Variants in NR3C2 observed in about 807,000 individuals in gnomAD.
NR3C2 encodes the protein nuclear receptor subfamily 3 group C member 2.
Under a neutral mutation model 86.4 loss-of-function variants are expected in NR3C2, and 15 were observed. That is an observed-to-expected ratio of 0.17 (90% CI 0.12 to 0.27). The LOEUF is 0.27. Ranked by LOEUF, NR3C2 falls within the 10% of genes least tolerant of loss-of-function variation. NR3C2 has a pLI of 1.00. For synonymous variants in NR3C2, 458 were observed against 450.5 expected (o/e 1.02, Z -0.21); for missense variants, 960 against 1,195.6 (o/e 0.80, Z 2.91).
At chr4:148,313,411 T>C (rs141878589) in intron 2 of NR3C2, among the ~76,000 whole-genome samples, 8 of 152,356 alleles carry the variant, frequency 5.3e-5, no homozygotes, top group African/African-American at 1.7e-4. Flanking sequence ...CTTTGGTATG[T>C]TCCATAAGAG....
chr4:148,357,117 A>G lies in NR3C2; in HGVS notation c.1757+77987T>C, dbSNP rs1369494957. Among the ~76,000 whole-genome samples, 5 of 152,160 alleles carry G rather than the reference A, an allele frequency of 3.3e-5. No homozygotes were observed. The East Asian group carries it at 9.6e-4, about 29-fold the overall frequency. ...CTAAAAACCTATAATCCCATGGTAGATAATGGAAGGAATAGTGGGGTGTGT... is the reference window on the plus strand; with the variant it reads ...CTAAAAACCTATAATCCCATGGTAGGTAATGGAAGGAATAGTGGGGTGTGT... On this transcript the variant is annotated intron_variant, in intron 2 of 8. Coordinates refer to ENST00000358102, the MANE Select transcript of NR3C2 (RefSeq NM_000901.5).
rs1033911893 is a variant in NR3C2 at position 148,080,966 on chromosome 4, G to A, written c.*378C>T. On this transcript the variant is annotated 3_prime_UTR_variant, in exon 9 of 9. Transcript: ENST00000358102. ...GCAAACCAAGGGTAAGCTTTAAAACGTTCGTTAGTCCTTGAACCCTTTTAA... is the reference window on the plus strand; with the variant it reads ...GCAAACCAAGGGTAAGCTTTAAAACATTCGTTAGTCCTTGAACCCTTTTAA... 1.5e-5 allele frequency: 5 copies of A among 325,562 alleles called. No homozygotes were observed. The highest frequency in any genetic ancestry group is 3.1e-5 in the Non-Finnish European group (5 of 163,848). 20.2% of individuals were successfully genotyped at this position (325,562 alleles called of 1,614,324 possible).
chr4:148,129,843 C>T (rs1245024473), intron 6 of NR3C2, among the ~76,000 whole-genome samples: 1 of 152,130 alleles, frequency 6.6e-6, no homozygotes, highest in Admixed American at 6.5e-5. Context: ...TGATCTGCCC[C>T]CCGCTTCGCC....
chr4:148,154,790 G>A lies in NR3C2; in HGVS notation c.2126C>T (p.Thr709Met), dbSNP rs139938639. ...GGGTTCTTTTGCAGGAGCGATGTAC[G>A]TTGTCCCTTCCTCTGGGCTTTGCGG... ...PPPQSPEEGT[T>M]YIAPAKEPSV... is the part of the protein sequence containing the mutation. The change falls in exon 5 of 9, where the codon ACG becomes ATG. Residue 709 changes from threonine to methionine, a missense_variant. Physicochemically the swap from Thr to Met is moderately conservative, Grantham distance 81. Transcript: ENST00000358102. 213 of 1,541,480 alleles carry A rather than the reference G, an allele frequency of 1.4e-4. 2 individuals carry two copies. The South Asian group carries it at 1.4e-3, about 10-fold the overall frequency.
At chr4:148,336,855 G>T (rs985046325) in intron 2 of NR3C2, among the ~76,000 whole-genome samples, 1 of 152,158 alleles carries the variant, frequency 6.6e-6, no homozygotes, top group Admixed American at 6.5e-5. Flanking sequence ...GTAGTGGCAT[G>T]ATCACGGCTC....
intron 2 of NR3C2, among the ~76,000 whole-genome samples, chr4:148,396,309 T>C (rs1560707945): frequency 2.6e-5 from 4 of 152,170 alleles, no homozygotes; most frequent in Admixed American, 2.6e-4. Context: ...TTACGAGTAA[T>C]AAAACTTGAA....
intron 8 of NR3C2, among the ~76,000 whole-genome samples, chr4:148,081,833 C>A (rs1730576341): frequency 6.6e-6 from 1 of 152,190 alleles, no homozygotes; most frequent in African/African-American, 2.4e-5. Flanking sequence ...TAAATGTGTG[C>A]CTACACGTGT....
intron 3 of NR3C2, among the ~76,000 whole-genome samples, chr4:148,219,518 G>C (rs1450618593): frequency 6.6e-6 from 1 of 152,182 alleles, no homozygotes; most frequent in African/African-American, 2.4e-5. Flanking sequence ...ATTATACTTA[G>C]ACATTAATTG....
At chr4:148,242,099 T>C (rs1560996497) in intron 3 of NR3C2, among the ~76,000 whole-genome samples, 2 of 152,128 alleles carry the variant, frequency 1.3e-5, no homozygotes, top group Admixed American at 6.6e-5. Context: ...TTTTGCAAGA[T>C]GAAAAAAGTT....
intron 2 of NR3C2, among the ~76,000 whole-genome samples, chr4:148,365,118 C>A (rs1218309967): frequency 2.6e-5 from 4 of 152,182 alleles, no homozygotes; most frequent in African/African-American, 9.7e-5. Flanking sequence ...CTTTTCTTAA[C>A]ACTTATTTCC....
chr4:148,229,152 C>T (rs1055384803), intron 3 of NR3C2, among the ~76,000 whole-genome samples: 9 of 152,278 alleles, frequency 5.9e-5, no homozygotes, highest in Admixed American at 5.2e-4. Context: ...GGAACCTGCA[C>T]AGGATCTCAC....
intron 4 of NR3C2, among the ~76,000 whole-genome samples, chr4:148,188,927 GTT>G (rs770094656): frequency 9.4e-5 from 12 of 127,294 alleles, no homozygotes; most frequent in Admixed American, 1.6e-4. Context: ...ATTTTGCTGA[GTT>G]TTTTTTTTTT....
intron 2 of NR3C2, among the ~76,000 whole-genome samples, chr4:148,313,739 CCTTA>C (rs1471410944): frequency 6.6e-6 from 1 of 152,138 alleles, no homozygotes; most frequent in South Asian, 2.1e-4. Flanking sequence ...TTTGCTTTAA[CCTTA>C]CTTACTACAG....
intron 2 of NR3C2, among the ~76,000 whole-genome samples, chr4:148,394,049 C>T (rs1219823703): frequency 1.3e-5 from 2 of 152,110 alleles, no homozygotes; most frequent in Non-Finnish European, 2.9e-5. Flanking sequence ...ACTCCTGCTG[C>T]CATTTCAGGA....
At chr4:148,156,032 C>A (rs7438191) in intron 4 of NR3C2, among the ~76,000 whole-genome samples, 111,851 of 151,758 alleles carry the variant, frequency 0.74, 41,241 homozygotes, top group African/African-American at 0.77. Flanking sequence ...TATTTAATAA[C>A]TGGTGCTGGG....
chr4:148,317,727 T>C (rs1161373404), intron 2 of NR3C2, among the ~76,000 whole-genome samples: 1 of 151,784 alleles, frequency 6.6e-6, no homozygotes. Context: ...GAAAGAAAAA[T>C]ATTATGGTCA....
chr4:148,301,391 T>C (rs1437273346), intron 2 of NR3C2, among the ~76,000 whole-genome samples: 8 of 152,190 alleles, frequency 5.3e-5, no homozygotes, highest in African/African-American at 1.9e-4. Flanking sequence ...CATCAAAATG[T>C]AAATTTTTGC....
chr4:148,189,399 A>G (rs1207886622), intron 4 of NR3C2, among the ~76,000 whole-genome samples: 3 of 152,228 alleles, frequency 2.0e-5, no homozygotes, highest in Admixed American at 6.5e-5. Flanking sequence ...CCACTTGATC[A>G]TGGTGGATTA....
intron 6 of NR3C2, among the ~76,000 whole-genome samples, chr4:148,148,434 C>G (rs1170669223): frequency 6.6e-6 from 1 of 152,234 alleles, no homozygotes; most frequent in African/African-American, 2.4e-5. Context: ...AGAAGCAAAT[C>G]TGGAAATGTC....
Sources: allele counts gnomAD v4.1 joint callset (sites outside exome capture counted in the v4.1 genomes callset), GRCh38; gene constraint gnomAD v4.1.1; transcripts MANE v1.5; gene names NCBI Gene and HGNC (gene_info 2026-07-23, HGNC 2026-07-21).